NBPF19: variants seen among roughly 807,000 people sequenced by gnomAD.
The protein encoded by NBPF19 is NBPF family member NBPF19.
NBPF19 carries 30 observed loss-of-function variants against 45.9 expected under a neutral mutation model. That is an observed-to-expected ratio of 0.65 (90% CI 0.49 to 0.89). The LOEUF is 0.89. Ranked by LOEUF, NBPF19 falls within the 40% of genes least tolerant of loss-of-function variation. The pLI is 0.00. For synonymous variants in NBPF19, 183 were observed against 181.2 expected (o/e 1.01, Z -0.08); for missense variants, 495 against 471.8 (o/e 1.05, Z -0.46).
At chr1:149,514,729 G>GTT (rs2086344829) in intron 43 of NBPF19, among the ~76,000 whole-genome samples, 1 of 77,722 alleles carries the variant, frequency 1.3e-5, no homozygotes, top group African/African-American at 4.4e-5. Context: ...GTGTGTGTGT[G>GTT]TGTGTGTGTC....
intron 17 of NBPF19, among the ~76,000 whole-genome samples, 187 bp from the exon 18 acceptor site, chr1:149,494,131 T>A (rs1159054939): frequency 3.0e-5 from 4 of 134,020 alleles, no homozygotes; most frequent in Non-Finnish European, 6.1e-5. Context: ...TCTCCCTGTC[T>A]TTCTCTTTCA....
At chr1:149,479,771 A>G (rs2085062911) in intron 4 of NBPF19, among the ~76,000 whole-genome samples, 1 of 150,760 alleles carries the variant, frequency 6.6e-6, no homozygotes, top group Non-Finnish European at 1.5e-5. Context: ...TCCTCTCCTA[A>G]GAGAAAGAAT....
chr1:149,477,930 T>A lies in NBPF19; in HGVS notation c.176-15T>A. ...CCAGCCTTCCACTGAGGCAGGCGTG[T>A]CTGTCTTTTCTCAGAGTATGAAGAG... On this transcript the variant is annotated splice_polypyrimidine_tract_variant and intron_variant, in intron 2 of 93. Coordinates refer to ENST00000651566, the MANE Select transcript of NBPF19 (RefSeq NM_001351365.2). The A allele has an allele frequency of 4.0e-6, 5 of 1,250,212 alleles. No homozygotes were observed. Among genetic ancestry groups the A allele is most frequent in the Non-Finnish European group, 5.8e-6 (5 of 859,192 alleles). 77.4% of individuals were successfully genotyped at this position (1,250,212 alleles called of 1,614,324 possible).
chr1:149,517,382 G>C lies in NBPF19; in HGVS notation c.5606-74G>C. 3 of 480,570 alleles carry C rather than the reference G, an allele frequency of 6.2e-6. 1 individual carries two copies. In the East Asian group the frequency reaches 1.3e-4, roughly 21 times the overall value. 29.8% of individuals were successfully genotyped at this position (480,570 alleles called of 1,614,324 possible). Reference sequence around the variant, plus strand: ...TGAGGAGCCTGAAGTTCCTGTGTGAGGATTAGACAGTGGATTGTTATGTGT... The same window carrying C: ...TGAGGAGCCTGAAGTTCCTGTGTGACGATTAGACAGTGGATTGTTATGTGT... On this transcript the variant is annotated intron_variant, in intron 46 of 93. Transcript: ENST00000651566.
At chr1:149,479,876 A>T (rs1298686479) in intron 4 of NBPF19, among the ~76,000 whole-genome samples, 2 of 150,820 alleles carry the variant, frequency 1.3e-5, no homozygotes, top group African/African-American at 4.9e-5. Context: ...GTCCAGAGAG[A>T]GGCTGCACAA....
rs2084769928 is a variant in NBPF19, at chr1:149,475,521, G to A, written c.-310G>A. ...AATGCTGAAGGAATGATCCCCATTG[G>A]TGGTGACCCTCAGGTGAAAGTAGGG... is the stretch of plus-strand genomic sequence containing the variant. On this transcript the variant is annotated 5_prime_UTR_variant, in exon 1 of 94. The change creates a new upstream start codon in the 5' untranslated region. Coordinates refer to ENST00000651566, the MANE Select transcript of NBPF19 (RefSeq NM_001351365.2). 1.2e-5 allele frequency: 8 copies of A among 685,852 alleles called. No individual in the cohort carries two copies. Among genetic ancestry groups the A allele is most frequent in the African/African-American group, 3.6e-5 (2 of 54,912 alleles). The allele number at this position is 685,852 out of a possible 1,614,324, so 42.5% of individuals were successfully genotyped here.
rs1292556095 is a variant in NBPF19, at chr1:149,484,273, TACTC to T, written c.825-1854_825-1851del. Among the ~76,000 whole-genome samples, 4 of 100,070 alleles carry T rather than the reference TACTC, an allele frequency of 4.0e-5. 1 individual carries two copies. The highest frequency in any genetic ancestry group is 1.7e-4 in the African/African-American group (4 of 24,222). 65.6% of individuals were successfully genotyped at this position (100,070 alleles called of 152,430 possible). Reference sequence around the variant, plus strand: ...CAAAAAACCAAATACCGCATGTTCTTACTCACAGGTGGGAATTGAACAATGAGAA... The same window carrying T: ...CAAAAAACCAAATACCGCATGTTCTTACAGGTGGGAATTGAACAATGAGAA... On this transcript the variant is annotated intron_variant, in intron 7 of 93. Transcript: ENST00000651566.
At chr1:149,554,183 G>T (rs2087138781) in intron 93 of NBPF19, among the ~76,000 whole-genome samples, 60 of 146,168 alleles carry the variant, frequency 4.1e-4, no homozygotes, top group African/African-American at 1.5e-3. Context: ...ATCACAGTTT[G>T]CTGTGTGTCA....
rs1553710674 is a variant in NBPF19 at position 149,487,805 on chromosome 1, G to GTT, written c.1041-207_1041-206insTT. Among the ~76,000 whole-genome samples, 172 of 148,356 alleles carry GTT rather than the reference G, an allele frequency of 1.2e-3. 2 individuals carry two copies. Among genetic ancestry groups the GTT allele is most frequent in the African/African-American group, 3.5e-3 (143 of 40,538 alleles). ...TGTGTGTGTGTGTGTGTGTGTGTGT[G>GTT]TGTGTGTGTGTGTGTGTGTCTTTCT... On this transcript the variant is annotated intron_variant, in intron 9 of 93. Coordinates refer to ENST00000651566, the MANE Select transcript of NBPF19 (RefSeq NM_001351365.2).
chr1:149,554,643 A>G lies in NBPF19; in HGVS notation c.11437A>G (p.Ile3813Val), dbSNP rs1467917832. ...SVFYSFEEEH[I>V]SFALYLDNRF... is the part of the protein sequence containing the mutation. The stretch of plus-strand genomic sequence containing the variant: ...GTTTTACTCATTTGAGGAAGAGCAT[A>G]TCAGCTTCGCCCTTTACTTGGACAA... Residue 3813 changes from isoleucine (I) to valine (V), a missense_variant, in exon 94 of 94, where the codon ATC becomes GTC. Physicochemically the swap from Ile to Val is conservative, Grantham distance 29. This residue lies in a region of NBPF19 where 248 missense variants were observed against 95.4 expected (regional missense o/e 2.60). Transcript: ENST00000651566. 5.2e-5 allele frequency: 83 copies of G among 1,608,240 alleles called. 5 individuals carry two copies. The highest frequency in any genetic ancestry group is 6.3e-5 in the Non-Finnish European group (74 of 1,176,780).
At chr1:149,484,515 T>C (rs1221055370) in intron 7 of NBPF19, among the ~76,000 whole-genome samples, 15 of 145,366 alleles carry the variant, frequency 1.0e-4, no homozygotes, top group Admixed American at 9.1e-4. Flanking sequence ...TATATATATA[T>C]ACATACACAC....
chr1:149,477,209 G>C (rs2084892075), intron 2 of NBPF19, among the ~76,000 whole-genome samples: 1 of 150,412 alleles, frequency 6.6e-6, no homozygotes, highest in South Asian at 2.1e-4. Context: ...GTAAATTGCT[G>C]CAATGAATTA....
intron 10 of NBPF19, 119 bp downstream of exon 10, chr1:149,488,304 A>C (rs1485652461): frequency 3.4e-6 from 2 of 589,636 alleles, no homozygotes; most frequent in African/African-American, 4.1e-5. Flanking sequence ...GAGGACCTAT[A>C]GGCACATGTA....
rs1337340537 is a variant in NBPF19 at position 149,556,130 on chromosome 1, A to G, written c.*1392A>G. 1 of 147,810 alleles carries G rather than the reference A, an allele frequency of 6.8e-6. No individual in the cohort carries two copies. Among genetic ancestry groups the G allele is most frequent in the East Asian group, 2.0e-4 (1 of 4,978 alleles). The allele number at this position is 147,810 out of a possible 1,614,324, so 9.2% of individuals were successfully genotyped here. ...TCTACGCTGCAAAATTTGGGTCTCA[A>G]TTTTTACTGTGCCTTTGTTTTTACT... On this transcript the variant is annotated 3_prime_UTR_variant, in exon 94 of 94. Transcript: ENST00000651566.
At chr1:149,478,429 C>A (rs1322594382) in intron 3 of NBPF19, among the ~76,000 whole-genome samples, 1 of 151,264 alleles carries the variant, frequency 6.6e-6, no homozygotes, top group African/African-American at 2.4e-5. Context: ...TTCACTCAAT[C>A]AATGTTGCCT....
At chr1:149,487,914 C>G (rs1187763060) in intron 9 of NBPF19, 99 bp from the exon 10 acceptor site, 2 of 722,526 alleles carry the variant, frequency 2.8e-6, no homozygotes, top group East Asian at 5.4e-5. Context: ...TCTCCTTTTT[C>G]TTTTCAAACT....
Position 149,486,629 on chromosome 1 carries a change from A to T in NBPF19, c.988+336A>T, listed in dbSNP as rs2085522133. On this transcript the variant is annotated intron_variant, in intron 8 of 93. Transcript: ENST00000651566. The stretch of plus-strand genomic sequence containing the variant: ...TGTCAGATCAGCTCATCTGAATTAA[A>T]TGTCTTTTGCCAGCTACAAAATTCC... Among the ~76,000 whole-genome samples the T allele has an allele frequency of 3.3e-5, 5 of 151,450 alleles. No individual in the cohort carries two copies. The South Asian group carries it at 1.0e-3, about 32-fold the overall frequency.
Position 149,479,700 on chromosome 1 carries a change from A to G in NBPF19, c.494-442A>G, listed in dbSNP as rs1211713533. 2.0e-5 allele frequency among the ~76,000 whole-genome samples: 3 copies of G among 150,098 alleles called. No individual in the cohort carries two copies. The East Asian group carries it at 5.9e-4, about 29-fold the overall frequency. On this transcript the variant is annotated intron_variant, in intron 4 of 93. Coordinates refer to ENST00000651566, the MANE Select transcript of NBPF19 (RefSeq NM_001351365.2). ...ATAGAATGTCCCTGAATAACACAGC[A>G]GAAGCCACATGGAGGGCCTGTGCAG...
chr1:149,486,521 C>G (rs2085512100), intron 8 of NBPF19, among the ~76,000 whole-genome samples: 1 of 151,356 alleles, frequency 6.6e-6, no homozygotes, highest in Admixed American at 6.6e-5. Context: ...CTGTGCCAAC[C>G]TGGACTGACT....
Sources: gnomAD v4.1 joint callset for allele counts (sites outside exome capture counted in the v4.1 genomes callset) on GRCh38, gnomAD v4.1.1 for gene constraint, gnomAD v4.1.1 regional missense constraint, MANE v1.5 for transcripts, NCBI Gene and HGNC (gene_info 2026-07-23, HGNC 2026-07-21) for gene names.